HS3ST5: variants seen among roughly 807,000 people sequenced by gnomAD.
The protein encoded by HS3ST5 is heparan sulfate glucosamine 3-O-sulfotransferase 5.
Under a neutral mutation model 25.4 loss-of-function variants are expected in HS3ST5, and 10 were observed. That is an observed-to-expected ratio of 0.39 (90% CI 0.24 to 0.67). The LOEUF (loss-of-function observed/expected upper bound fraction) is 0.67, where lower values mean the gene tolerates loss of function less well. Ranked by LOEUF, HS3ST5 falls within the 30% of genes least tolerant of loss-of-function variation. The pLI, the probability that HS3ST5 is intolerant of heterozygous loss-of-function variation, is 0.44. For synonymous variants in HS3ST5, 170 were observed against 162.4 expected, an observed-to-expected ratio of 1.05 and a Z score of -0.36; for missense variants, 324 against 420.7, an observed-to-expected ratio of 0.77 and a Z score of 2.01.
intron 3 of HS3ST5, chr6:114,142,805 G>A (rs1349731977): frequency 2.0e-5 from 3 of 152,166 alleles, no homozygotes; most frequent in African/African-American, 4.8e-5. Context: ...GAAGCTTAAG[G>A]GAGGAGTGCT....
intron 3 of HS3ST5, among the ~76,000 whole-genome samples, chr6:114,141,929 C>T (rs1002779866): frequency 2.0e-5 from 3 of 150,114 alleles, no homozygotes; most frequent in South Asian, 4.2e-4. Flanking sequence ...GCCTGCCATG[C>T]GAATGGCTCT....
chr6:114,176,713 C>T (rs1191289186), intron 2 of HS3ST5, among the ~76,000 whole-genome samples: 1 of 152,130 alleles, frequency 6.6e-6, no homozygotes, highest in Non-Finnish European at 1.5e-5. Context: ...CCCACGCTAT[C>T]CCCCAAAAAC....
chr6:114,155,732 C>G (rs1053779424), intron 3 of HS3ST5, among the ~76,000 whole-genome samples: 3 of 152,168 alleles, frequency 2.0e-5, no homozygotes, highest in African/African-American at 7.2e-5. Flanking sequence ...AAACACTATC[C>G]CTTCGAATCT....
At chr6:114,204,476 C>T (rs1349020719) in intron 2 of HS3ST5, among the ~76,000 whole-genome samples, 2 of 152,162 alleles carry the variant, frequency 1.3e-5, no homozygotes, top group Admixed American at 6.6e-5. Context: ...ATTCCAGTTT[C>T]ATATCTTCAA....
chr6:114,109,670 T>C (rs1417599461), intron 3 of HS3ST5, among the ~76,000 whole-genome samples: 1 of 152,210 alleles, frequency 6.6e-6, no homozygotes, highest in Admixed American at 6.5e-5. Context: ...CCATGGCTGC[T>C]GTTCATGAGA....
At chr6:114,128,113 G>A (rs376026553) in intron 3 of HS3ST5, among the ~76,000 whole-genome samples, 1 of 152,124 alleles carries the variant, frequency 6.6e-6, no homozygotes, top group Non-Finnish European at 1.5e-5. Flanking sequence ...CTTGAACAAA[G>A]ACCTGAGCCT....
At chr6:114,242,810 G>A (rs1772197826) in intron 1 of HS3ST5, among the ~76,000 whole-genome samples, 4 of 146,196 alleles carry the variant, frequency 2.7e-5, no homozygotes, top group Admixed American at 1.4e-4. Context: ...CCGAGATTGC[G>A]CCACTGCAGT....
intron 3 of HS3ST5, among the ~76,000 whole-genome samples, chr6:114,131,504 A>T (rs967508306): frequency 2.6e-5 from 4 of 152,244 alleles, no homozygotes; most frequent in Non-Finnish European, 4.4e-5. Flanking sequence ...TTGTAAAAGA[A>T]TATGCCATAT....
intron 1 of HS3ST5, among the ~76,000 whole-genome samples, chr6:114,282,954 A>G (rs1462247457): frequency 6.6e-6 from 1 of 152,018 alleles, no homozygotes; most frequent in Non-Finnish European, 1.5e-5. Context: ...ATACTTTGGT[A>G]GTCAGAGTTC....
At chr6:114,256,696 C>T (rs1253608321) in intron 1 of HS3ST5, among the ~76,000 whole-genome samples, 3 of 152,108 alleles carry the variant, frequency 2.0e-5, no homozygotes, top group South Asian at 2.1e-4. Flanking sequence ...TAACAAGTCT[C>T]GAGGAAGACT....
intron 3 of HS3ST5, among the ~76,000 whole-genome samples, chr6:114,077,771 C>A (rs1484882687): frequency 1.3e-5 from 2 of 152,222 alleles, no homozygotes; most frequent in East Asian, 3.9e-4. Flanking sequence ...ATTTTATTTA[C>A]CTCAAGTTTT....
At chr6:114,066,324 T>A (rs1176526969) in intron 3 of HS3ST5, among the ~76,000 whole-genome samples, 1 of 152,202 alleles carries the variant, frequency 6.6e-6, no homozygotes, top group African/African-American at 2.4e-5. Context: ...CCCTCAGATA[T>A]TCTGATTCAA....
At chr6:114,180,326 T>C in intron 2 of HS3ST5, among the ~76,000 whole-genome samples, 1 of 152,118 alleles carries the variant, frequency 6.6e-6, no homozygotes, top group Non-Finnish European at 1.5e-5. Flanking sequence ...GTGAGGTCTT[T>C]CTCTGCTTGG....
intron 4 of HS3ST5, chr6:114,058,806 T>C (rs1446586363): frequency 6.7e-6 from 1 of 149,312 alleles, no homozygotes; most frequent in Non-Finnish European, 1.5e-5. Context: ...AGAAGAATAC[T>C]ATATTTCTTC....
chr6:114,062,517 C>T (rs1773190239), intron 4 of HS3ST5, among the ~76,000 whole-genome samples: 1 of 152,170 alleles, frequency 6.6e-6, no homozygotes, highest in Non-Finnish European at 1.5e-5. Context: ...AGTGTCAATG[C>T]ACACGGAATA....
chr6:114,255,570 T>C (rs144519817), intron 1 of HS3ST5, among the ~76,000 whole-genome samples: 2,250 of 152,262 alleles, frequency 0.015, 54 homozygotes, highest in African/African-American at 0.052. Context: ...AGGTTCTCTG[T>C]GAGGCCCACC....
intron 3 of HS3ST5, among the ~76,000 whole-genome samples, chr6:114,094,485 C>A (rs1049308213): frequency 1.3e-4 from 20 of 152,114 alleles, no homozygotes; most frequent in African/African-American, 4.6e-4. Flanking sequence ...ATGTAGGAAC[C>A]CTTCTGAATG....
intron 1 of HS3ST5, among the ~76,000 whole-genome samples, chr6:114,334,585 C>T (rs1776533163): frequency 6.6e-6 from 1 of 152,200 alleles, no homozygotes. Flanking sequence ...TGTTTAGATA[C>T]ACAAATCCTT....
At chr6:114,089,994 C>T (rs949997018) in intron 3 of HS3ST5, among the ~76,000 whole-genome samples, 15 of 152,284 alleles carry the variant, frequency 9.9e-5, no homozygotes, top group South Asian at 2.1e-4. Flanking sequence ...GAAGCTCTGG[C>T]GTTGGGGAGG....
Sources: gnomAD v4.1 joint callset for allele counts (sites outside exome capture counted in the v4.1 genomes callset) on GRCh38, gnomAD v4.1.1 for gene constraint, MANE v1.5 for transcripts, NCBI Gene and HGNC (gene_info 2026-07-23, HGNC 2026-07-21) for gene names.